The following SENP1 variants were observed in gnomAD, a reference collection of about 807,000 sequenced individuals.
SENP1 encodes sentrin-specific protease 1.
A neutral mutation model predicts 93.0 loss-of-function variants in SENP1; 21 were observed. The observed-to-expected ratio is 0.23, with a 90% CI of 0.16 to 0.33. The LOEUF (loss-of-function observed/expected upper bound fraction) is 0.33. Ranked by LOEUF, SENP1 falls within the 10% of genes least tolerant of loss-of-function variation. The pLI, the probability that SENP1 is intolerant of heterozygous loss-of-function variation, is 1.00. For missense variants in SENP1, 591 were observed against 758.7 expected, an observed-to-expected ratio of 0.78 and a Z score of 2.60; for synonymous variants, 256 against 259.6, an observed-to-expected ratio of 0.99 and a Z score of 0.13.
At chr12:48,075,214 C>CA (rs1203357024) in intron 6 of SENP1, among the ~76,000 whole-genome samples, 1 of 134,546 alleles carries the variant, frequency 7.4e-6, no homozygotes, top group African/African-American at 2.8e-5. Context: ...GACTCTGTCT[C>CA]AAAAAACAAA....
intron 13 of SENP1, among the ~76,000 whole-genome samples, chr12:48,056,103 ATTT>A (rs1250654534): frequency 8.3e-6 from 1 of 121,046 alleles, no homozygotes; most frequent in African/African-American, 3.4e-5. Context: ...AGTATATATT[ATTT>A]AATATATATT....
At chr12:48,089,022 C>A in intron 4 of SENP1, 62 bp from the exon 5 acceptor site, 1 of 1,531,264 alleles carries the variant, frequency 6.5e-7, no homozygotes, top group Non-Finnish European at 8.9e-7. Context: ...CTTATGACTG[C>A]AACCATGACC....
intron 13 of SENP1, among the ~76,000 whole-genome samples, chr12:48,063,191 TTAA>T (rs2136945712): frequency 6.6e-6 from 1 of 152,196 alleles, no homozygotes; most frequent in South Asian, 2.1e-4. Flanking sequence ...CCTCAAATAT[TTAA>T]TAATAATATA....
chr12:48,104,692 G>A (rs1946334012), intron 1 of SENP1, among the ~76,000 whole-genome samples: 1 of 152,200 alleles, frequency 6.6e-6, no homozygotes, highest in African/African-American at 2.4e-5. Context: ...ACAACTGATA[G>A]AAGATGTAGA....
rs561908249 is a variant in SENP1 at position 48,043,503 on chromosome 12, C to A, written c.*1819G>T. The A allele has an allele frequency of 8.5e-5, 13 of 152,682 alleles. No homozygotes were observed. Among genetic ancestry groups the A allele is most frequent in the African/African-American group, 2.6e-4 (11 of 41,540 alleles). The allele number at this position is 152,682 out of a possible 1,614,324, so 9.5% of individuals were successfully genotyped here. A position where few individuals can be genotyped will look rare whatever the true frequency, so the allele number is the denominator to read the frequency against. On this transcript the variant is annotated 3_prime_UTR_variant, in exon 18 of 18. Coordinates refer to ENST00000549518, the MANE Select transcript of SENP1 (RefSeq NM_001267594.2). ...AAGAACCAGACAATATTCCAGGAGT[C>A]CTGCAATGAGACTGCATGCCACAGC... is the stretch of plus-strand genomic sequence containing the variant.
At chr12:48,069,234 G>C (rs1943515821) in intron 9 of SENP1, among the ~76,000 whole-genome samples, 1 of 151,658 alleles carries the variant, frequency 6.6e-6, no homozygotes, top group Non-Finnish European at 1.5e-5. Context: ...AGAGAGAAAG[G>C]GACATCCAGA....
chr12:48,106,078 G>A lies in SENP1; in HGVS notation c.-95C>T, dbSNP rs575822837. 5 of 702,546 alleles carry A rather than the reference G, an allele frequency of 7.1e-6. No homozygotes were observed. Among genetic ancestry groups the A allele is most frequent in the South Asian group, 4.4e-5 (3 of 67,586 alleles). 43.5% of individuals were successfully genotyped at this position (702,546 alleles called of 1,614,324 possible). On this transcript the variant is annotated 5_prime_UTR_variant, in exon 1 of 18. Transcript: ENST00000549518. ...AGGGGTTTCCGGCCGGGCGCGGAAC[G>A]CAAAACCCGGGAACCGCCGCGAACC...
At chr12:48,049,525 T>C (rs983630675) in intron 13 of SENP1, among the ~76,000 whole-genome samples, 2 of 152,206 alleles carry the variant, frequency 1.3e-5, no homozygotes, top group Non-Finnish European at 2.9e-5. Flanking sequence ...CTACTGGAAC[T>C]GTGTGAGCAA....
intron 2 of SENP1, among the ~76,000 whole-genome samples, chr12:48,098,387 G>GT (rs2137299730): frequency 6.6e-6 from 1 of 152,140 alleles, no homozygotes; most frequent in East Asian, 1.9e-4. Context: ...GCTCACACCT[G>GT]TAATCCCAGC....
In SENP1 at chr12:48,065,810, C is replaced by A. The variant is rs1943258128; in HGVS notation, c.1035-130G>T. The A allele has an allele frequency of 2.5e-5, 15 of 602,822 alleles. No homozygotes were observed. The South Asian group carries it at 3.0e-4, about 12-fold the overall frequency. 37.3% of individuals were successfully genotyped at this position (602,822 alleles called of 1,614,324 possible). On this transcript the variant is annotated intron_variant, in intron 10 of 17. Coordinates refer to ENST00000549518, the MANE Select transcript of SENP1 (RefSeq NM_001267594.2). ...TAAAATCCTTACACTAACTTATCAT[C>A]CTTATTTTAAGACATAGAGTGAAAC...
rs1335376027 is a variant in SENP1, at chr12:48,066,859, A to T, written c.1034+68T>A. 3.2e-5 allele frequency: 40 copies of T among 1,241,852 alleles called. No homozygotes were observed. In the East Asian group the frequency reaches 1.0e-3, roughly 31 times the overall value. The allele number at this position is 1,241,852 out of a possible 1,614,324, so 76.9% of individuals were successfully genotyped here. A position where few individuals can be genotyped will look rare whatever the true frequency, so the allele number is the denominator to read the frequency against. ...AAAAAATAAGCAGGATGATTAGCTA[A>T]TTGTTTGATTTCTTCTAACTAAAAA... On this transcript the variant is annotated intron_variant, in intron 10 of 17. Coordinates refer to ENST00000549518, the MANE Select transcript of SENP1 (RefSeq NM_001267594.2).
intron 4 of SENP1, among the ~76,000 whole-genome samples, chr12:48,089,540 T>A (rs755313682): frequency 1.3e-5 from 2 of 152,232 alleles, no homozygotes; most frequent in Non-Finnish European, 2.9e-5. Context: ...TCTTCAGTCA[T>A]CTAATGCCAT....
chr12:48,065,724 T>A, intron 10 of SENP1, 44 bp from the exon 11 acceptor site: 2 of 1,225,720 alleles, frequency 1.6e-6, no homozygotes, highest in Non-Finnish European at 2.3e-6. Flanking sequence ...ACCACTCTCA[T>A]TATGAAACAT....
At chr12:48,051,759 C>T (rs1316575518) in intron 13 of SENP1, among the ~76,000 whole-genome samples, 1 of 152,228 alleles carries the variant, frequency 6.6e-6, no homozygotes, top group Non-Finnish European at 1.5e-5. Context: ...GTGAAGACAA[C>T]TGTCCCCGAC....
At chr12:48,057,208 T>C (rs1209590495) in intron 13 of SENP1, among the ~76,000 whole-genome samples, 1 of 123,766 alleles carries the variant, frequency 8.1e-6, no homozygotes, top group Non-Finnish European at 1.8e-5. Flanking sequence ...ATATATATTA[T>C]TTATTATATA....
intron 1 of SENP1, 179 bp downstream of exon 1, chr12:48,105,849 G>C: frequency 1.7e-6 from 1 of 600,490 alleles, no homozygotes; most frequent in Non-Finnish European, 3.0e-6. Context: ...CGCGGCCACC[G>C]GACAGCAGGG....
chr12:48,105,462 C>G (rs192107172), intron 1 of SENP1: 58 of 519,006 alleles, frequency 1.1e-4, no homozygotes, highest in Non-Finnish European at 2.0e-4. Context: ...ATAACCTGAG[C>G]AGGAGGGTCC....
chr12:48,084,039 C>CATAT (rs1225733470), intron 5 of SENP1, among the ~76,000 whole-genome samples: 2 of 152,064 alleles, frequency 1.3e-5, no homozygotes, highest in African/African-American at 4.8e-5. Flanking sequence ...GGTCAGAAAC[C>CATAT]ATATAGTTTT....
rs558325445 is a variant in SENP1 at position 48,081,358 on chromosome 12, T to C, written c.552+2233A>G. On this transcript the variant is annotated intron_variant, in intron 6 of 17. Coordinates refer to ENST00000549518, the MANE Select transcript of SENP1 (RefSeq NM_001267594.2). The stretch of plus-strand genomic sequence containing the variant: ...AGCACATATACTAAGACTGGAACTA[T>C]ATAGAGAAGATTAGCATGGCCCCTG... The C allele has an allele frequency of 5.3e-5, 8 of 152,250 alleles. No individual in the cohort carries two copies. In the South Asian group the frequency reaches 1.7e-3, roughly 32 times the overall value. 9.4% of individuals were successfully genotyped at this position (152,250 alleles called of 1,614,324 possible).
Sources: allele counts gnomAD v4.1 joint callset (sites outside exome capture counted in the v4.1 genomes callset), GRCh38; gene constraint gnomAD v4.1.1; transcripts MANE v1.5; gene names NCBI Gene and HGNC (gene_info 2026-07-23, HGNC 2026-07-21).